The following PUS10 variants were observed in gnomAD, a reference collection of about 807,000 sequenced individuals.
The protein encoded by PUS10 is tRNA pseudouridine synthase Pus10.
PUS10 carries 59 observed loss-of-function variants against 75.0 expected under a neutral mutation model. The ratio of observed to expected loss-of-function variants is 0.79; its 90% CI spans 0.64 to 0.98. The LOEUF (loss-of-function observed/expected upper bound fraction) is 0.98, where lower values mean the gene tolerates loss of function less well. PUS10 is among the 50% of genes least tolerant of loss of function. The probability of loss-of-function intolerance (pLI) is 0.00; values close to 1 mark genes in which losing one functional copy is unlikely to be tolerated. For missense variants in PUS10, 650 were observed against 614.4 expected, an observed-to-expected ratio of 1.06 and a Z score of -0.61; for synonymous variants, 219 against 211.6, an observed-to-expected ratio of 1.03 and a Z score of -0.30.
At chr2:60,961,671 G>A (rs1356466485) in intron 9 of PUS10, 123 bp from the exon 10 acceptor site, 8 of 821,906 alleles carry the variant, frequency 9.7e-6, no homozygotes, top group East Asian at 4.9e-5. Flanking sequence ...TTTTAGTTTC[G>A]CAACAATACA....
chr2:60,973,246 G>A (rs1676803834), intron 4 of PUS10, among the ~76,000 whole-genome samples: 1 of 152,262 alleles, frequency 6.6e-6, no homozygotes, highest in South Asian at 2.1e-4. Context: ...GCACGGGGTT[G>A]GCTGGGGCGG....
At chr2:60,956,492 C>A (rs1169220969) in intron 11 of PUS10, among the ~76,000 whole-genome samples, 2 of 152,088 alleles carry the variant, frequency 1.3e-5, no homozygotes, top group African/African-American at 4.8e-5. Flanking sequence ...AATGAACAGG[C>A]CTCAAAGAAA....
In PUS10 at chr2:61,011,893, T is replaced by A; in HGVS notation, c.-3A>T. 3 of 1,593,986 alleles carry A rather than the reference T, an allele frequency of 1.9e-6. No homozygotes were observed. Among genetic ancestry groups the A allele is most frequent in the Non-Finnish European group, 2.6e-6 (3 of 1,174,392 alleles). ...TTTTCCTCAGTCAGTGGGAACATAT[T>A]GAATAATTATAACTAGAAAGAAAAG... On this transcript the variant is annotated 5_prime_UTR_variant, in exon 2 of 18. Coordinates refer to ENST00000316752, the MANE Select transcript of PUS10 (RefSeq NM_144709.4).
intron 4 of PUS10, among the ~76,000 whole-genome samples, chr2:60,997,705 A>G (rs897175188): frequency 1.3e-5 from 2 of 151,944 alleles, no homozygotes; most frequent in African/African-American, 4.8e-5. Flanking sequence ...CATTCATTGT[A>G]TAATAGTTTT....
chr2:61,016,897 G>A (rs1404453141), intron 1 of PUS10, among the ~76,000 whole-genome samples: 1 of 152,084 alleles, frequency 6.6e-6, no homozygotes, highest in Non-Finnish European at 1.5e-5. Flanking sequence ...CGGAGAAAGA[G>A]GTGATCACAC....
chr2:60,992,048 G>A (rs1678120569), intron 4 of PUS10, among the ~76,000 whole-genome samples: 1 of 147,278 alleles, frequency 6.8e-6, no homozygotes, highest in South Asian at 2.1e-4. Flanking sequence ...GTTTCGCTCT[G>A]TCACCCAGGC....
chr2:60,948,275 A>C, intron 15 of PUS10, 90 bp from the exon 16 acceptor site: 14 of 1,237,280 alleles, frequency 1.1e-5, no homozygotes, highest in Non-Finnish European at 1.4e-5. Context: ...TCCATAGCTC[A>C]CCACAGATGC....
Position 60,971,594 on chromosome 2 carries a change from G to T in PUS10, c.469-37C>A. 3 of 1,596,396 alleles carry T rather than the reference G, an allele frequency of 1.9e-6. No homozygotes were observed. In the South Asian group the frequency reaches 3.3e-5, roughly 18 times the overall value. On this transcript the variant is annotated intron_variant, in intron 4 of 17. Transcript: ENST00000316752. Reference sequence around the variant, plus strand: ...TTAGTCACACCCAGAAAGAGAAAAGGGGGAAACATGTTCAGTGAAATTAAG... The same window carrying T: ...TTAGTCACACCCAGAAAGAGAAAAGTGGGAAACATGTTCAGTGAAATTAAG...
At chr2:60,976,680 G>C (rs1444681828) in intron 4 of PUS10, among the ~76,000 whole-genome samples, 2 of 152,184 alleles carry the variant, frequency 1.3e-5, no homozygotes, top group South Asian at 2.1e-4. Context: ...CAGCAGATTG[G>C]ACAGAACTAA....
chr2:60,943,896 G>A (rs935409125), intron 17 of PUS10, among the ~76,000 whole-genome samples: 3 of 151,758 alleles, frequency 2.0e-5, no homozygotes, highest in African/African-American at 7.3e-5. Flanking sequence ...ACTCCTAACT[G>A]TTCTGAGAAT....
At chr2:60,962,616 G>A (rs571347893) in intron 9 of PUS10, among the ~76,000 whole-genome samples, 95 of 151,740 alleles carry the variant, frequency 6.3e-4, no homozygotes, top group African/African-American at 2.2e-3. Flanking sequence ...AAAAAAAAAA[G>A]ACGTTAGACT....
chr2:60,961,481 C>G lies in PUS10; in HGVS notation c.856G>C (p.Gly286Arg), dbSNP rs775440372. Reference protein sequence around the residue: ...CAVLEIECAHGAVFVAGRYNK... With the variant: ...CAVLEIECAHRAVFVAGRYNK... Reference sequence around the variant, plus strand: ...ATTTTACCAGCCACAAAAACAGCACCATGAGCACATTCAATTTCAAGAACA... The same window carrying G: ...ATTTTACCAGCCACAAAAACAGCACGATGAGCACATTCAATTTCAAGAACA... Residue 286 changes from glycine (G) to arginine (R), a missense_variant, in exon 10 of 18, where the codon GGT becomes CGT. Coordinates refer to ENST00000316752, the MANE Select transcript of PUS10 (RefSeq NM_144709.4). 6.2e-7 allele frequency: 1 copy of G among 1,614,002 alleles called. No individual in the cohort carries two copies.
chr2:61,001,369 C>A (rs759103011), intron 4 of PUS10, among the ~76,000 whole-genome samples: 29 of 152,070 alleles, frequency 1.9e-4, no homozygotes, highest in South Asian at 1.5e-3. Context: ...CTCCCCCTCC[C>A]GGGTTCAAAT....
intron 15 of PUS10, among the ~76,000 whole-genome samples, chr2:60,948,889 A>AC (rs1233079260): frequency 8.5e-5 from 13 of 152,216 alleles, no homozygotes; most frequent in South Asian, 2.1e-4. Flanking sequence ...TCCAAGTTTT[A>AC]AAAATTGGGC....
At chr2:60,948,233 C>T (rs1675111426) in intron 15 of PUS10, 48 bp from the exon 16 acceptor site, 1 of 1,590,956 alleles carries the variant, frequency 6.3e-7, no homozygotes. Context: ...CTTTGCCACC[C>T]AGTGAATCCT....
At chr2:60,995,393 CA>C (rs1678386624) in intron 4 of PUS10, among the ~76,000 whole-genome samples, 1 of 152,148 alleles carries the variant, frequency 6.6e-6, no homozygotes, top group Non-Finnish European at 1.5e-5. Context: ...TTGCTTTATA[CA>C]TATGCATACA....
chr2:61,008,670 G>T lies in PUS10; in HGVS notation c.381+91C>A, dbSNP rs910594852. 6 of 1,079,228 alleles carry T rather than the reference G, an allele frequency of 5.6e-6. No individual in the cohort carries two copies. In the East Asian group the frequency reaches 7.7e-5, roughly 14 times the overall value. 66.9% of individuals were successfully genotyped at this position (1,079,228 alleles called of 1,614,324 possible). A position where few individuals can be genotyped will look rare whatever the true frequency, so the allele number is the denominator to read the frequency against. ...ATGAGACCCAAAAAAGAATTGTCTT[G>T]TCTTGAAAAAAGGAAAGAAAAAAGA... On this transcript the variant is annotated intron_variant, in intron 3 of 17. Coordinates refer to ENST00000316752, the MANE Select transcript of PUS10 (RefSeq NM_144709.4).
At chr2:60,990,117 C>T (rs752120841) in intron 4 of PUS10, among the ~76,000 whole-genome samples, 1 of 151,960 alleles carries the variant, frequency 6.6e-6, no homozygotes, top group Non-Finnish European at 1.5e-5. Flanking sequence ...GAATAGGATC[C>T]TATTTTTCTA....
At chr2:60,960,149 CAA>C (rs559273848) in intron 11 of PUS10, among the ~76,000 whole-genome samples, 20 of 88,268 alleles carry the variant, frequency 2.3e-4, no homozygotes, top group Non-Finnish European at 3.9e-4. Context: ...CAGGCTCTCT[CAA>C]AAAAAAAAAA....
Sources: gnomAD v4.1 joint callset for allele counts (sites outside exome capture counted in the v4.1 genomes callset) on GRCh38, gnomAD v4.1.1 for gene constraint, MANE v1.5 for transcripts, NCBI Gene and HGNC (gene_info 2026-07-23, HGNC 2026-07-21) for gene names.